The following FRMD5 variants were observed in gnomAD, a reference collection of about 807,000 sequenced individuals.
FRMD5 encodes FERM domain-containing protein 5.
In FRMD5, 20 loss-of-function variants were observed where a neutral mutation model predicts 69.0. That is an observed-to-expected ratio of 0.29 (90% CI 0.20 to 0.42). FRMD5 has a LOEUF of 0.42. Among genes scored for constraint, FRMD5 ranks in the 10% least tolerant of loss-of-function variants. FRMD5 has a pLI of 1.00. For missense variants in FRMD5, 595 were observed against 708.6 expected (o/e 0.84, Z 1.82); for synonymous variants, 271 against 260.1 (o/e 1.04, Z -0.40).
rs990562762 is a variant in FRMD5 at position 44,140,779 on chromosome 15, A to G, written c.102+54174T>C. On this transcript the variant is annotated intron_variant, in intron 1 of 13. Coordinates refer to ENST00000417257, the MANE Select transcript of FRMD5 (RefSeq NM_032892.5). ...GTGCCTGTGGTCCCAGCTACTCAAG[A>G]GGCTGAGGTAGGAGGGTCGCTTGGG... Among the ~76,000 whole-genome samples the G allele has an allele frequency of 2.7e-5, 4 of 145,570 alleles. No homozygotes were observed. The Admixed American group carries it at 2.9e-4, about 11-fold the overall frequency.
Position 44,195,057 on chromosome 15 carries a change from T to TCCCGCCCG in FRMD5, c.-11_-4dup, listed in dbSNP as rs751449661. ...CCGCTCATCAACCTGCTCAGCATCT[T>TCCCGCCCG]CCCGCCCGCCCGCCCGGGAGCGACG... On this transcript the variant is annotated 5_prime_UTR_variant, in exon 1 of 14. Coordinates refer to ENST00000417257, the MANE Select transcript of FRMD5 (RefSeq NM_032892.5). 17 of 1,474,378 alleles carry TCCCGCCCG rather than the reference T, an allele frequency of 1.2e-5. No individual in the cohort carries two copies. The highest frequency in any genetic ancestry group is 1.5e-5 in the Non-Finnish European group (17 of 1,103,730). 91.3% of individuals were successfully genotyped at this position (1,474,378 alleles called of 1,614,324 possible). A position where few individuals can be genotyped will look rare whatever the true frequency, so the allele number is the denominator to read the frequency against.
In FRMD5 at chr15:44,132,211, C is replaced by T. The variant is rs112439749; in HGVS notation, c.102+62742G>A. 3.4e-3 allele frequency among the ~76,000 whole-genome samples: 513 copies of T among 152,292 alleles called. 4 individuals carry two copies. Among genetic ancestry groups the T allele is most frequent in the African/African-American group, 0.011 (458 of 41,562 alleles). On this transcript the variant is annotated intron_variant, in intron 1 of 13. Coordinates refer to ENST00000417257, the MANE Select transcript of FRMD5 (RefSeq NM_032892.5). ...GGCGGAGCTCAGGCGGTAACGTGAA[C>T]GATGGGGAGTGGCTGTAAACACAGA...
intron 1 of FRMD5, among the ~76,000 whole-genome samples, chr15:44,122,329 A>G (rs1368395169): frequency 3.3e-5 from 5 of 150,998 alleles, no homozygotes; most frequent in Middle Eastern, 3.3e-3. Context: ...TTGGGAGGCC[A>G]AGGCAGGCAG....
Position 43,991,904 on chromosome 15 carries a change from T to C in FRMD5, c.103-67595A>G, listed in dbSNP as rs1219598602. On this transcript the variant is annotated intron_variant, in intron 1 of 13. Transcript: ENST00000417257. ...CCTAGCCCTGCATCCTTTTACTAAT[T>C]AGTAGGTTTCCAGAAGAAAACCATG... Among the ~76,000 whole-genome samples the C allele has an allele frequency of 2.0e-5, 3 of 152,160 alleles. No individual in the cohort carries two copies. In the East Asian group the frequency reaches 5.8e-4, roughly 29 times the overall value.
chr15:44,162,697 G>A (rs1414957317), intron 1 of FRMD5, among the ~76,000 whole-genome samples: 2 of 150,756 alleles, frequency 1.3e-5, no homozygotes, highest in Non-Finnish European at 3.0e-5. Flanking sequence ...GAGAAACTCC[G>A]ACTCTACTAA....
At chr15:44,125,834 T>C (rs2077017685) in intron 1 of FRMD5, among the ~76,000 whole-genome samples, 2 of 152,336 alleles carry the variant, frequency 1.3e-5, no homozygotes, top group South Asian at 4.1e-4. Context: ...CCTCCTTTAC[T>C]GTCATGTAGA....
chr15:43,919,466 T>C lies in FRMD5; in HGVS notation c.322A>G (p.Ile108Val). ...GAAGCATGTTCACCTCACCTGGTTA[T>C]TTCTTCTTTCAGAGCAGCAGGGTCT... ...PADPAALKEE[I>V]TRYLVFLQIK... Residue 108 changes from isoleucine to valine, a missense_variant, in exon 4 of 14, where the codon ATA becomes GTA. Physicochemically the swap from Ile to Val is conservative, Grantham distance 29. Coordinates refer to ENST00000417257, the MANE Select transcript of FRMD5 (RefSeq NM_032892.5). The C allele has an allele frequency of 1.2e-6, 2 of 1,614,014 alleles. No individual in the cohort carries two copies. Among genetic ancestry groups the C allele is most frequent in the Non-Finnish European group, 1.7e-6 (2 of 1,179,942 alleles).
intron 1 of FRMD5, among the ~76,000 whole-genome samples, chr15:44,126,708 A>T (rs1461897840): frequency 6.6e-6 from 1 of 152,150 alleles, no homozygotes; most frequent in African/African-American, 2.4e-5. Context: ...TCTAGTCCTC[A>T]TTCTCTTTAC....
At chr15:44,187,128 C>CT (rs1410920560) in intron 1 of FRMD5, among the ~76,000 whole-genome samples, 1 of 152,202 alleles carries the variant, frequency 6.6e-6, no homozygotes, top group African/African-American at 2.4e-5. Context: ...TTGATACCCT[C>CT]TTTTTTGTCA....
chr15:44,122,568 CAAACAAAACA>C (rs1444638309), intron 1 of FRMD5, among the ~76,000 whole-genome samples: 1 of 151,084 alleles, frequency 6.6e-6, no homozygotes, highest in Admixed American at 6.6e-5. Context: ...GACCCTGCCT[CAAACAAAACA>C]AAACAAAACA....
At chr15:44,124,301 C>T (rs904043328) in intron 1 of FRMD5, among the ~76,000 whole-genome samples, 4 of 151,534 alleles carry the variant, frequency 2.6e-5, no homozygotes, top group Admixed American at 2.0e-4. Context: ...ATCTTTTTAC[C>T]CAATAATTCC....
At chr15:43,877,861 G>A (rs925804830) in intron 13 of FRMD5, among the ~76,000 whole-genome samples, 2 of 152,176 alleles carry the variant, frequency 1.3e-5, no homozygotes, top group Admixed American at 6.5e-5. Flanking sequence ...AATCCAAGCC[G>A]CTTTCTAGTT....
At chr15:43,965,869 C>T (rs992082334) in intron 1 of FRMD5, among the ~76,000 whole-genome samples, 4 of 151,824 alleles carry the variant, frequency 2.6e-5, no homozygotes, top group Non-Finnish European at 2.9e-5. Flanking sequence ...CGTGAGCCAC[C>T]GCACCCGGCC....
In FRMD5 at chr15:44,060,821, C is replaced by T. The variant is rs1413307610; in HGVS notation, c.102+134132G>A. On this transcript the variant is annotated intron_variant, in intron 1 of 13. Transcript: ENST00000417257. ...TTCCTCACATCTGAATCTGAGAATA[C>T]TTGGATTAAGGGCTTGAGCTCTAAG... Among the ~76,000 whole-genome samples, 3 of 152,194 alleles carry T rather than the reference C, an allele frequency of 2.0e-5. No individual in the cohort carries two copies. The South Asian group carries it at 6.2e-4, about 31-fold the overall frequency.
chr15:44,057,443 T>C (rs888848019), intron 1 of FRMD5, among the ~76,000 whole-genome samples: 2 of 152,218 alleles, frequency 1.3e-5, no homozygotes, highest in East Asian at 1.9e-4. Flanking sequence ...ATATTGCACA[T>C]GGTCAAGCAT....
intron 1 of FRMD5, among the ~76,000 whole-genome samples, chr15:44,191,219 A>G (rs997906981): frequency 5.9e-5 from 9 of 152,214 alleles, no homozygotes; most frequent in Non-Finnish European, 1.2e-4. Context: ...TATTTTTTCA[A>G]CACATATTTC....
At chr15:44,123,344 C>CA (rs35476491) in intron 1 of FRMD5, among the ~76,000 whole-genome samples, 118,223 of 147,260 alleles carry the variant, frequency 0.8, 49,643 homozygotes, top group Non-Finnish European at 0.92. Context: ...AACTCCATCT[C>CA]AAAAAAAAAA....
chr15:43,890,236 T>C (rs908616706), intron 8 of FRMD5, among the ~76,000 whole-genome samples: 1 of 152,138 alleles, frequency 6.6e-6, no homozygotes, highest in African/African-American at 2.4e-5. Context: ...GCTAGGAAAG[T>C]AAGGAGTTTT....
intron 1 of FRMD5, among the ~76,000 whole-genome samples, chr15:44,142,202 C>T (rs2077284409): frequency 4.6e-5 from 7 of 152,176 alleles, no homozygotes; most frequent in Admixed American, 4.6e-4. Flanking sequence ...TACTGATCCA[C>T]TTAATTATAT....
Sources: gnomAD v4.1 joint callset for allele counts (sites outside exome capture counted in the v4.1 genomes callset) on GRCh38, gnomAD v4.1.1 for gene constraint, MANE v1.5 for transcripts, NCBI Gene and HGNC (gene_info 2026-07-23, HGNC 2026-07-21) for gene names.